Variants in DOCK11 observed in about 807,000 individuals in gnomAD.
DOCK11 encodes dedicator of cytokinesis protein 11.
A neutral mutation model predicts 169.1 loss-of-function variants in DOCK11; 70 were observed. The ratio of observed to expected loss-of-function variants is 0.41; its 90% CI spans 0.34 to 0.51. DOCK11 has a LOEUF of 0.51. Among genes scored for constraint, DOCK11 ranks in the 20% least tolerant of loss-of-function variants. The pLI is 0.10. For missense variants in DOCK11, 1,166 were observed against 1,538.8 expected (o/e 0.76, Z 4.05); for synonymous variants, 529 against 541.3 (o/e 0.98, Z 0.32).
At chrX:118,557,806 C>T (rs1448408783) in intron 6 of DOCK11, among the ~76,000 whole-genome samples, 1 of 100,144 alleles carries the variant, frequency 1.0e-5, no homozygotes, top group Non-Finnish European at 2.0e-5. Context: ...GAAATAGAAT[C>T]CAAGAAGTAA....
At chrX:118,644,055 G>T (rs1306127185) in intron 40 of DOCK11, among the ~76,000 whole-genome samples, 1 of 111,539 alleles carries the variant, frequency 9.0e-6, no homozygotes, top group East Asian at 2.8e-4. Context: ...TTCAATGCTA[G>T]CCATAACTGA....
chrX:118,647,973 T>A (rs1297576113), intron 40 of DOCK11, among the ~76,000 whole-genome samples: 1 of 38,286 alleles, frequency 2.6e-5, no homozygotes, highest in Non-Finnish European at 4.6e-5. Context: ...TATATAATTA[T>A]ATATAATATA....
rs752244577 is a variant in DOCK11, at chrX:118,649,138, ATAAAAGCGCCTC to A, written c.4581+13_4581+24del. 88 of 1,153,378 alleles carry A rather than the reference ATAAAAGCGCCTC, an allele frequency of 7.6e-5. No homozygotes were observed. The highest frequency in any genetic ancestry group is 1.0e-4 in the Non-Finnish European group (88 of 868,578). On this transcript the variant is annotated intron_variant, in intron 41 of 52. Coordinates refer to ENST00000276202, the MANE Select transcript of DOCK11 (RefSeq NM_144658.4). The stretch of plus-strand genomic sequence containing the variant: ...AGGACACATCTACAGGTCAGTGAAA[ATAAAAGCGCCTC>A]TTCATCTTTCTTCTCTTCAATCTTT...
intron 1 of DOCK11, among the ~76,000 whole-genome samples, chrX:118,513,312 G>A (rs1031210705): frequency 5.3e-5 from 6 of 112,525 alleles, no homozygotes; most frequent in Non-Finnish European, 1.1e-4. Context: ...ATGGCTGGAT[G>A]CCTTTTCTGG....
At chrX:118,602,225 C>G (rs1813739904) in intron 23 of DOCK11, among the ~76,000 whole-genome samples, 1 of 108,521 alleles carries the variant, frequency 9.2e-6, no homozygotes, top group South Asian at 4.0e-4. Context: ...TTCTTTCTAC[C>G]ACACCTTGCT....
chrX:118,673,787 A>G (rs1360298596), intron 46 of DOCK11, among the ~76,000 whole-genome samples: 3 of 111,468 alleles, frequency 2.7e-5, no homozygotes, highest in East Asian at 5.6e-4. Context: ...AAAACACTCC[A>G]TACCCATTAA....
chrX:118,645,659 C>G (rs2015639816), intron 40 of DOCK11, among the ~76,000 whole-genome samples: 1 of 108,166 alleles, frequency 9.2e-6, no homozygotes, highest in Admixed American at 9.9e-5. Flanking sequence ...AAGATTTCGT[C>G]TCAAAAAAAA....
chrX:118,598,065 A>G lies in DOCK11; in HGVS notation c.2421A>G (p.Ala807=). 8 of 1,199,839 alleles carry G rather than the reference A, an allele frequency of 6.7e-6. No individual in the cohort carries two copies. The highest frequency in any genetic ancestry group is 9.0e-6 in the Non-Finnish European group (8 of 887,629). ...CNVDIKWVDG[A]KPLLKIKSHL... is the part of the protein sequence containing the mutation. Reference sequence around the variant, plus strand: ...TGGATATTAAATGGGTAGATGGTGCAAAGCCTTTGTTGAAGATTAAAAGCC... The same window carrying G: ...TGGATATTAAATGGGTAGATGGTGCGAAGCCTTTGTTGAAGATTAAAAGCC... The change falls in exon 22 of 53, where the codon GCA becomes GCG. Residue 807 remains alanine, a synonymous_variant. Transcript: ENST00000276202.
At chrX:118,668,309 T>A (rs1454041150) in intron 45 of DOCK11, among the ~76,000 whole-genome samples, 1 of 111,914 alleles carries the variant, frequency 8.9e-6, no homozygotes. Context: ...CATGAATGGG[T>A]GTTGAGTGTT....
chrX:118,647,530 A>AT (rs2015721002), intron 40 of DOCK11, among the ~76,000 whole-genome samples: 1 of 67,305 alleles, frequency 1.5e-5, no homozygotes, highest in Admixed American at 2.3e-4. Flanking sequence ...TATATAATAT[A>AT]ATATTATATA....
chrX:118,514,478 G>T (rs1418744842), intron 1 of DOCK11, among the ~76,000 whole-genome samples: 1 of 110,688 alleles, frequency 9.0e-6, no homozygotes, highest in Non-Finnish European at 1.9e-5. Context: ...GAGCGTGGGG[G>T]AGATTAACAA....
rs193299826 is a variant in DOCK11, at chrX:118,549,600, C to A, written c.558+3484C>A. On this transcript the variant is annotated intron_variant, in intron 6 of 52. Coordinates refer to ENST00000276202, the MANE Select transcript of DOCK11 (RefSeq NM_144658.4). ...AGACAGTCTCACTGTGTCGCCCAGGCTGGAGTGCAGTGGCGTGATCACGGC... is the reference window on the plus strand; with the variant it reads ...AGACAGTCTCACTGTGTCGCCCAGGATGGAGTGCAGTGGCGTGATCACGGC... Among the ~76,000 whole-genome samples, 5 of 111,574 alleles carry A rather than the reference C, an allele frequency of 4.5e-5. No homozygotes were observed. The East Asian group carries it at 1.4e-3, about 32-fold the overall frequency.
At position 118,628,146 on chromosome X, in the gene DOCK11, C is replaced by CTT. The variant is rs757163537; in HGVS notation, c.3665-8_3665-7dup. On this transcript the variant is annotated splice_polypyrimidine_tract_variant and intron_variant, in intron 33 of 52. Transcript: ENST00000276202. ...CCCCCTCTTGCCAACAAGGGCTTGA[C>CTT]TTTTTTTTTTCCCCAGCTTATGGGT... is the stretch of plus-strand genomic sequence containing the variant. The CTT allele has an allele frequency of 1.2e-5, 12 of 1,022,201 alleles. No individual in the cohort carries two copies. Among genetic ancestry groups the CTT allele is most frequent in the East Asian group, 3.3e-5 (1 of 30,340 alleles). 84.2% of individuals were successfully genotyped at this position (1,022,201 alleles called of 1,213,427 possible).
intron 31 of DOCK11, among the ~76,000 whole-genome samples, chrX:118,619,497 A>ATATAT (rs1247643709): frequency 8.3e-4 from 75 of 90,829 alleles, no homozygotes; most frequent in African/African-American, 3.0e-3. Context: ...AAAAAAAAAA[A>ATATAT]ATATATATAT....
chrX:118,680,928 A>G, intron 49 of DOCK11, 130 bp from the exon 50 acceptor site: 1 of 642,533 alleles, frequency 1.6e-6, no homozygotes, highest in Non-Finnish European at 2.4e-6. Flanking sequence ...CTGAAGTACT[A>G]TATGGGACCC....
chrX:118,557,094 A>C (rs189009177), intron 6 of DOCK11, among the ~76,000 whole-genome samples: 18 of 112,353 alleles, frequency 1.6e-4, no homozygotes, highest in African/African-American at 5.8e-4. Flanking sequence ...ATTGTTTATT[A>C]ATTTTGAAAC....
chrX:118,605,498 C>T (rs2014473626), intron 24 of DOCK11, 142 bp downstream of exon 24: 4 of 382,367 alleles, frequency 1.0e-5, no homozygotes, highest in Non-Finnish European at 1.8e-5. Flanking sequence ...TTTTCATTGT[C>T]ATTTGTCTCA....
chrX:118,683,054 C>T (rs1440701253), intron 51 of DOCK11, 25 bp from the exon 52 acceptor site: 1 of 1,187,100 alleles, frequency 8.4e-7, no homozygotes, highest in African/African-American at 1.8e-5. Flanking sequence ...ATAACAAGAC[C>T]TTTATCTTTG....
intron 1 of DOCK11, among the ~76,000 whole-genome samples, chrX:118,528,588 C>G (rs886883722): frequency 4.5e-5 from 5 of 111,345 alleles, no homozygotes; most frequent in South Asian, 3.8e-4. Flanking sequence ...CAGGATTGCT[C>G]TTAGTCTAAG....
Sources: gnomAD v4.1 joint callset for allele counts (sites outside exome capture counted in the v4.1 genomes callset) on GRCh38, gnomAD v4.1.1 for gene constraint, MANE v1.5 for transcripts, NCBI Gene and HGNC (gene_info 2026-07-23, HGNC 2026-07-21) for gene names.